The following TMEM178B variants were observed in gnomAD, a reference collection of about 807,000 sequenced individuals.
TMEM178B encodes transmembrane protein 178B.
In TMEM178B, 5 loss-of-function variants were observed where a neutral mutation model predicts 31.0. The ratio of observed to expected loss-of-function variants is 0.16; its 90% CI spans 0.08 to 0.34. The LOEUF (loss-of-function observed/expected upper bound fraction) is 0.34, where lower values mean the gene tolerates loss of function less well. Ranked by LOEUF, TMEM178B falls within the 10% of genes least tolerant of loss-of-function variation. The pLI is 1.00. For synonymous variants in TMEM178B, 164 were observed against 164.0 expected (o/e 1.00, Z 0.00); for missense variants, 275 against 400.3 (o/e 0.69, Z 2.67).
At chr7:141,302,275 A>G (rs1328737960) in intron 2 of TMEM178B, among the ~76,000 whole-genome samples, 1 of 152,248 alleles carries the variant, frequency 6.6e-6, no homozygotes, top group Non-Finnish European at 1.5e-5. Flanking sequence ...GGAAATTATG[A>G]TGCATGCTCC....
chr7:141,190,370 G>A (rs150523447), intron 1 of TMEM178B, among the ~76,000 whole-genome samples: 125 of 152,044 alleles, frequency 8.2e-4, no homozygotes, highest in African/African-American at 2.0e-3. Flanking sequence ...CTGGAGTACA[G>A]GGGTGTGATC....
At chr7:141,396,202 A>G (rs1800634609) in intron 2 of TMEM178B, among the ~76,000 whole-genome samples, 1 of 151,396 alleles carries the variant, frequency 6.6e-6, no homozygotes. Context: ...TCAGGCCAGC[A>G]CGCCTCACCT....
chr7:141,289,146 A>G (rs1798500749), intron 2 of TMEM178B, among the ~76,000 whole-genome samples: 1 of 152,198 alleles, frequency 6.6e-6, no homozygotes, highest in Admixed American at 6.5e-5. Context: ...ATCATTTGCC[A>G]TAAGCTCTGG....
chr7:141,427,740 A>T (rs1466894654), intron 2 of TMEM178B, among the ~76,000 whole-genome samples: 1 of 152,216 alleles, frequency 6.6e-6, no homozygotes, highest in African/African-American at 2.4e-5. Flanking sequence ...ACAGTAAAGG[A>T]AACCATCAAC....
intron 1 of TMEM178B, among the ~76,000 whole-genome samples, chr7:141,102,947 G>A (rs1269984134): frequency 6.6e-6 from 1 of 152,122 alleles, no homozygotes; most frequent in Non-Finnish European, 1.5e-5. Context: ...GGCTAAGGCG[G>A]GTGGAGCCAG....
intron 2 of TMEM178B, among the ~76,000 whole-genome samples, chr7:141,328,574 G>T (rs1196551583): frequency 6.6e-6 from 1 of 152,224 alleles, no homozygotes; most frequent in Non-Finnish European, 1.5e-5. Flanking sequence ...CTGAGTCCCT[G>T]TGAGTCCTCG....
chr7:141,507,008 A>G, the TMEM178B span, among the ~76,000 whole-genome samples: 503 of 152,316 alleles, frequency 3.3e-3, 2 homozygotes, highest in Non-Finnish European at 4.9e-3. Flanking sequence ...TCTCACATCC[A>G]GGCAACACTG....
chr7:141,452,865 T>TTC (rs1467603386), intron 3 of TMEM178B, among the ~76,000 whole-genome samples: 151 of 152,318 alleles, frequency 9.9e-4, no homozygotes, highest in African/African-American at 3.5e-3. Flanking sequence ...AAAAAATACA[T>TTC]TGTGGCTCCC....
chr7:141,488,869 T>G, the TMEM178B span, among the ~76,000 whole-genome samples: 2 of 151,470 alleles, frequency 1.3e-5, no homozygotes, highest in Non-Finnish European at 2.9e-5. Flanking sequence ...GAACTGCAAT[T>G]TAAAAAACCA....
At chr7:141,306,621 G>GTT (rs1168697391) in intron 2 of TMEM178B, among the ~76,000 whole-genome samples, 44 of 141,844 alleles carry the variant, frequency 3.1e-4, no homozygotes, top group Non-Finnish European at 5.3e-4. Flanking sequence ...CTGAGAGTCT[G>GTT]TTTTTTTTTT....
At chr7:141,151,904 T>C (rs1247992857) in intron 1 of TMEM178B, among the ~76,000 whole-genome samples, 1 of 152,136 alleles carries the variant, frequency 6.6e-6, no homozygotes, top group African/African-American at 2.4e-5. Context: ...CTCCACAGCA[T>C]GGATGCTGCA....
intron 3 of TMEM178B, among the ~76,000 whole-genome samples, chr7:141,440,958 G>C (rs1241816167): frequency 1.3e-5 from 2 of 152,234 alleles, no homozygotes; most frequent in African/African-American, 2.4e-5. Flanking sequence ...GAAGGGGCTG[G>C]AGAACAAAGC....
chr7:141,489,811 G>C, the TMEM178B span, among the ~76,000 whole-genome samples: 2 of 152,140 alleles, frequency 1.3e-5, no homozygotes, highest in South Asian at 4.1e-4. Flanking sequence ...GCATGCTTTC[G>C]TACAAAATAG....
chr7:141,191,115 T>C (rs1796689213), intron 1 of TMEM178B, among the ~76,000 whole-genome samples: 3 of 152,222 alleles, frequency 2.0e-5, no homozygotes, highest in Admixed American at 2.0e-4. Flanking sequence ...TGACATTAAG[T>C]AAGAACTTAT....
At chr7:141,504,962 T>C in the TMEM178B span, among the ~76,000 whole-genome samples, 2 of 152,184 alleles carry the variant, frequency 1.3e-5, no homozygotes, top group African/African-American at 4.8e-5. Context: ...TCCTAACATA[T>C]TTTTTTAGGC....
At chr7:141,270,302 C>T (rs944478871) in intron 2 of TMEM178B, among the ~76,000 whole-genome samples, 1 of 152,050 alleles carries the variant, frequency 6.6e-6, no homozygotes, top group African/African-American at 2.4e-5. Context: ...GGGTCAGGCC[C>T]GGAAGCTCAG....
At chr7:141,146,203 G>A (rs1795847087) in intron 1 of TMEM178B, among the ~76,000 whole-genome samples, 1 of 151,944 alleles carries the variant, frequency 6.6e-6, no homozygotes, top group Non-Finnish European at 1.5e-5. Context: ...TGGGTGTAGA[G>A]CCAGGATTTG....
intron 2 of TMEM178B, among the ~76,000 whole-genome samples, chr7:141,374,447 CTCT>C (rs1749000223): frequency 6.6e-6 from 1 of 152,200 alleles, no homozygotes; most frequent in Admixed American, 6.5e-5. Context: ...CTTCTCCCAC[CTCT>C]TCTTCATTGT....
intron 3 of TMEM178B, among the ~76,000 whole-genome samples, chr7:141,448,144 T>C (rs1450212552): frequency 3.9e-5 from 6 of 151,972 alleles, no homozygotes; most frequent in Non-Finnish European, 8.8e-5. Flanking sequence ...TCTTTCCTTA[T>C]GTCAAAAGCT....
Sources: gnomAD v4.1 joint callset for allele counts (sites outside exome capture counted in the v4.1 genomes callset) on GRCh38, gnomAD v4.1.1 for gene constraint, MANE v1.5 for transcripts, NCBI Gene and HGNC (gene_info 2026-07-23, HGNC 2026-07-21) for gene names.